Variants in RIT2 observed in about 807,000 individuals in gnomAD.
RIT2 encodes the protein Ras like without CAAX 2, also known as GTP-binding protein Rit2.
In RIT2, 24 loss-of-function variants were observed where a neutral mutation model predicts 23.7. That is an observed-to-expected ratio of 1.01 (90% CI 0.73 to 1.43). The LOEUF is 1.43. Ranked by LOEUF, RIT2 falls within the 40% of genes most tolerant of loss-of-function variation. The probability of loss-of-function intolerance (pLI) is 0.00; values close to 1 mark genes in which losing one functional copy is unlikely to be tolerated. For missense variants in RIT2, 236 were observed against 266.9 expected (o/e 0.88, Z 0.81); for synonymous variants, 107 against 91.1 (o/e 1.17, Z -0.99).
intron 4 of RIT2, among the ~76,000 whole-genome samples, chr18:42,781,223 A>G (rs912093674): frequency 6.6e-6 from 1 of 152,180 alleles, no homozygotes; most frequent in African/African-American, 2.4e-5. Context: ...CAGAAACTCT[A>G]TAAATGATGT....
intron 4 of RIT2, among the ~76,000 whole-genome samples, chr18:42,865,467 C>A (rs59653549): frequency 0.025 from 3,869 of 152,180 alleles, 163 homozygotes; most frequent in African/African-American, 0.086. Context: ...AAACATATTA[C>A]CTTGAAATTT....
intron 3 of RIT2, among the ~76,000 whole-genome samples, chr18:42,935,528 T>C (rs984780792): frequency 6.6e-6 from 1 of 152,062 alleles, no homozygotes; most frequent in Non-Finnish European, 1.5e-5. Flanking sequence ...GTCAGTGCAG[T>C]TGCATGGGGT....
intron 1 of RIT2, among the ~76,000 whole-genome samples, chr18:43,059,233 C>T (rs142272555): frequency 5.6e-4 from 85 of 152,122 alleles, no homozygotes; most frequent in Non-Finnish European, 9.7e-4. Flanking sequence ...CCTCGTTTAT[C>T]CCCAAAATGA....
At chr18:42,884,347 TA>T (rs1351559418) in intron 4 of RIT2, among the ~76,000 whole-genome samples, 1 of 152,238 alleles carries the variant, frequency 6.6e-6, no homozygotes, top group Non-Finnish European at 1.5e-5. Flanking sequence ...AGGTCATAAC[TA>T]TGACAAACCC....
intron 4 of RIT2, among the ~76,000 whole-genome samples, chr18:42,766,202 G>C (rs143207640): frequency 3.3e-5 from 5 of 152,152 alleles, no homozygotes. Context: ...AGTTTGAAGC[G>C]CTCAGAAAAA....
chr18:42,774,515 C>A (rs1913623239), intron 4 of RIT2, among the ~76,000 whole-genome samples: 1 of 151,866 alleles, frequency 6.6e-6, no homozygotes, highest in South Asian at 2.1e-4. Flanking sequence ...ATAGAATATT[C>A]TCACTATCAT....
rs148858207 is a variant in RIT2 at position 42,925,922 on chromosome 18, A to G, written c.235-2159T>C. Reference sequence around the variant, plus strand: ...ATTGCTTATTCTTTTTTATAGAGACATCATAATTCTTTTTATACATGTACC... The same window carrying G: ...ATTGCTTATTCTTTTTTATAGAGACGTCATAATTCTTTTTATACATGTACC... On this transcript the variant is annotated intron_variant, in intron 3 of 4. Transcript: ENST00000326695. 2.0e-5 allele frequency among the ~76,000 whole-genome samples: 3 copies of G among 151,860 alleles called. No homozygotes were observed. The East Asian group carries it at 5.8e-4, about 29-fold the overall frequency.
chr18:42,923,818 A>G lies in RIT2; in HGVS notation c.235-55T>C, dbSNP rs1273729902. The G allele has an allele frequency of 1.5e-5, 20 of 1,351,508 alleles. No homozygotes were observed. In the Admixed American group the frequency reaches 3.0e-4, roughly 20 times the overall value. The allele number at this position is 1,351,508 out of a possible 1,614,324, so 83.7% of individuals were successfully genotyped here. ...TGGGCTTTCAATATAGCTAATTAAT[A>G]TGAGGTTTAAATGTAATCATTATGA... is the stretch of plus-strand genomic sequence containing the variant. On this transcript the variant is annotated intron_variant, in intron 3 of 4. Transcript: ENST00000326695.
chr18:42,908,774 T>C (rs1290794443), intron 4 of RIT2, among the ~76,000 whole-genome samples: 7 of 152,088 alleles, frequency 4.6e-5, no homozygotes, highest in Non-Finnish European at 1.0e-4. Context: ...AGAGTAACCA[T>C]AGGACTGCTG....
intron 4 of RIT2, among the ~76,000 whole-genome samples, chr18:42,838,365 G>C (rs1294354057): frequency 6.6e-6 from 1 of 152,010 alleles, no homozygotes; most frequent in Non-Finnish European, 1.5e-5. Context: ...AAACATGATG[G>C]ACTGGAATCC....
chr18:43,109,801 G>A (rs917482753), intron 1 of RIT2, among the ~76,000 whole-genome samples: 1 of 146,786 alleles, frequency 6.8e-6, no homozygotes, highest in East Asian at 2.0e-4. Context: ...CTTGCATAGT[G>A]TTTCATACAT....
intron 4 of RIT2, among the ~76,000 whole-genome samples, chr18:42,756,457 A>G (rs1423549832): frequency 6.6e-6 from 1 of 152,040 alleles, no homozygotes; most frequent in Non-Finnish European, 1.5e-5. Context: ...TGCAGGGGGG[A>G]AAGGTTGCCA....
At chr18:43,064,863 C>A (rs947265942) in intron 1 of RIT2, among the ~76,000 whole-genome samples, 1 of 152,098 alleles carries the variant, frequency 6.6e-6, no homozygotes, top group African/African-American at 2.4e-5. Flanking sequence ...GTCACCCAGG[C>A]TAAAGTGCAG....
At chr18:42,766,333 G>C (rs1282762774) in intron 4 of RIT2, among the ~76,000 whole-genome samples, 2 of 152,128 alleles carry the variant, frequency 1.3e-5, no homozygotes, top group African/African-American at 4.8e-5. Context: ...TGGAGATGAG[G>C]AATTTGTTGG....
chr18:42,772,610 T>C (rs1291635204), intron 4 of RIT2, among the ~76,000 whole-genome samples: 1 of 152,216 alleles, frequency 6.6e-6, no homozygotes, highest in Non-Finnish European at 1.5e-5. Context: ...GCAATTAGGA[T>C]GCTAGGTTCA....
intron 4 of RIT2, among the ~76,000 whole-genome samples, chr18:42,866,642 A>T (rs1180313646): frequency 6.8e-6 from 1 of 147,120 alleles, no homozygotes; most frequent in Non-Finnish European, 1.5e-5. Context: ...GCTGTCAGGA[A>T]AAAAAAAAAA....
Position 42,743,416 on chromosome 18 carries a change from A to G in RIT2, c.*77T>C. On this transcript the variant is annotated 3_prime_UTR_variant, in exon 5 of 5. Transcript: ENST00000326695. ...AGAGAGAGACACATAGAGAGATAAT[A>G]TTGAAGCAGAATGCTACATATGGAA... 2 of 1,046,534 alleles carry G rather than the reference A, an allele frequency of 1.9e-6. No homozygotes were observed. Among genetic ancestry groups the G allele is most frequent in the Non-Finnish European group, 1.5e-6 (1 of 683,136 alleles). The allele number at this position is 1,046,534 out of a possible 1,614,324, so 64.8% of individuals were successfully genotyped here. A position where few individuals can be genotyped will look rare whatever the true frequency, so the allele number is the denominator to read the frequency against.
intron 4 of RIT2, among the ~76,000 whole-genome samples, chr18:42,909,853 T>C (rs1406807936): frequency 1.3e-5 from 2 of 152,046 alleles, no homozygotes; most frequent in Non-Finnish European, 2.9e-5. Flanking sequence ...GAGTAAAAAT[T>C]GCTGTAAACA....
intron 1 of RIT2, among the ~76,000 whole-genome samples, chr18:43,088,931 T>C (rs942682486): frequency 6.6e-6 from 1 of 152,130 alleles, no homozygotes; most frequent in Non-Finnish European, 1.5e-5. Context: ...TTGATTATTT[T>C]GGAAAAATAT....
Sources: allele counts gnomAD v4.1 joint callset (sites outside exome capture counted in the v4.1 genomes callset), GRCh38; gene constraint gnomAD v4.1.1; transcripts MANE v1.5; gene names NCBI Gene and HGNC (gene_info 2026-07-23, HGNC 2026-07-21).